Variants in CDC20B observed in about 807,000 individuals in gnomAD.
CDC20B encodes cell division cycle 20B, also known as cell division cycle protein 20 homolog B.
CDC20B carries 58 observed loss-of-function variants against 64.1 expected under a neutral mutation model. That is an observed-to-expected ratio of 0.90 (90% CI 0.73 to 1.13). The LOEUF (loss-of-function observed/expected upper bound fraction) is 1.13, where lower values mean the gene tolerates loss of function less well. Ranked by LOEUF, CDC20B falls within the 50% of genes most tolerant of loss-of-function variation. The pLI is 0.00. For missense variants in CDC20B, 597 were observed against 633.0 expected, an observed-to-expected ratio of 0.94 and a Z score of 0.61; for synonymous variants, 243 against 230.6, an observed-to-expected ratio of 1.05 and a Z score of -0.49.
intron 2 of CDC20B, chr5:55,164,942 T>G (rs1744303115): frequency 1.3e-5 from 2 of 152,208 alleles, no homozygotes; most frequent in African/African-American, 2.4e-5. Context: ...CTGCATTATT[T>G]TTTAGAAGCA....
chr5:55,167,527 A>G (rs1744454270), intron 2 of CDC20B, among the ~76,000 whole-genome samples: 1 of 152,122 alleles, frequency 6.6e-6, no homozygotes, highest in South Asian at 2.1e-4. Flanking sequence ...ATTTCAATCT[A>G]CCACTGGTTT....
At chr5:55,115,596 G>C (rs1459237600) in intron 11 of CDC20B, among the ~76,000 whole-genome samples, 1 of 152,194 alleles carries the variant, frequency 6.6e-6, no homozygotes, top group Non-Finnish European at 1.5e-5. Context: ...AGGAGAATGA[G>C]GGAGGAAAGG....
intron 2 of CDC20B, among the ~76,000 whole-genome samples, chr5:55,154,835 A>G (rs1743766334): frequency 6.6e-6 from 1 of 152,226 alleles, no homozygotes; most frequent in African/African-American, 2.4e-5. Context: ...AATTTTAGAA[A>G]AATAAATTGT....
At chr5:55,122,141 A>G (rs1468143887) in intron 9 of CDC20B, among the ~76,000 whole-genome samples, 1 of 152,246 alleles carries the variant, frequency 6.6e-6, no homozygotes, top group Non-Finnish European at 1.5e-5. Flanking sequence ...TGTTTATGAC[A>G]GGTGAACTTG....
Position 55,146,712 on chromosome 5 carries a change from C to T in CDC20B, c.271G>A (p.Gly91Arg), listed in dbSNP as rs1301756090. 6.2e-7 allele frequency: 1 copy of T among 1,614,120 alleles called. No homozygotes were observed. The highest frequency in any genetic ancestry group is 1.7e-5 in the Admixed American group (1 of 60,018). The change falls in exon 3 of 12, where the codon GGG (glycine) becomes AGG (arginine). Residue 91 changes from glycine (G) to arginine (R), a missense_variant. Gly to Arg is a moderately radical substitution (Grantham distance 125). Coordinates refer to ENST00000381375, the MANE Select transcript of CDC20B (RefSeq NM_001170402.1). The stretch of plus-strand genomic sequence containing the variant: ...AGGTAGGTGGTTGACTGCTCTTCCC[C>T]AAAGGAATCAGAGGACAGAGCCCTA... The part of the protein sequence containing the change: ...QTRALSSDSF[G>R]EEQSTTYLPE...
intron 2 of CDC20B, among the ~76,000 whole-genome samples, chr5:55,151,525 C>T (rs145742942): frequency 5.9e-5 from 9 of 152,330 alleles, no homozygotes; most frequent in Admixed American, 1.3e-4. Flanking sequence ...TTTAAATATA[C>T]ATTTTTAAAA....
chr5:55,147,988 A>G (rs141929599), intron 2 of CDC20B, among the ~76,000 whole-genome samples: 105 of 152,334 alleles, frequency 6.9e-4, no homozygotes, highest in African/African-American at 2.5e-3. Context: ...GTAGTGAACC[A>G]TCCCATGTAG....
intron 2 of CDC20B, among the ~76,000 whole-genome samples, chr5:55,157,597 A>G (rs1228570383): frequency 6.6e-6 from 1 of 152,238 alleles, no homozygotes; most frequent in Non-Finnish European, 1.5e-5. Flanking sequence ...TTTGTGGTGA[A>G]ACCAACCTCA....
At chr5:55,172,829 C>A in intron 1 of CDC20B, 109 bp downstream of exon 1, 1 of 1,125,960 alleles carries the variant, frequency 8.9e-7, no homozygotes. Context: ...AATTTACGAC[C>A]AGGGCTTAGA....
chr5:55,127,076 C>T (rs1175515801), intron 8 of CDC20B, among the ~76,000 whole-genome samples, 181 bp downstream of exon 8: 1 of 152,158 alleles, frequency 6.6e-6, no homozygotes, highest in Non-Finnish European at 1.5e-5. Flanking sequence ...GCCACCAAGA[C>T]ACTTACATGA....
chr5:55,133,380 A>G (rs745793015), intron 6 of CDC20B, 32 bp downstream of exon 6: 1 of 1,174,640 alleles, frequency 8.5e-7, no homozygotes, highest in Non-Finnish European at 1.2e-6. Flanking sequence ...TGTCATTTCA[A>G]CTTTTAATTC....
At position 55,118,370 on chromosome 5, in the gene CDC20B, T is replaced by A. The variant is rs1742672108; in HGVS notation, c.1459+1431A>T. On this transcript the variant is annotated intron_variant, in intron 11 of 11. Coordinates refer to ENST00000381375, the MANE Select transcript of CDC20B (RefSeq NM_001170402.1). The stretch of plus-strand genomic sequence containing the variant: ...CTATAAGCATTTTAAGAGAAAAGGT[T>A]AAATGCACTCTTGGAAATTCTAATA... Among the ~76,000 whole-genome samples, 3 of 152,154 alleles carry A rather than the reference T, an allele frequency of 2.0e-5. No individual in the cohort carries two copies. The South Asian group carries it at 6.2e-4, about 32-fold the overall frequency.
At chr5:55,158,028 A>T (rs1262740859) in intron 2 of CDC20B, among the ~76,000 whole-genome samples, 1 of 152,230 alleles carries the variant, frequency 6.6e-6, no homozygotes, top group African/African-American at 2.4e-5. Context: ...CCACTATGGA[A>T]AACAAAGACA....
At chr5:55,118,025 A>G (rs2111791976) in intron 11 of CDC20B, among the ~76,000 whole-genome samples, 1 of 152,266 alleles carries the variant, frequency 6.6e-6, no homozygotes, top group South Asian at 2.1e-4. Context: ...AGGCTGAGGC[A>G]GGAGAATTGC....
intron 2 of CDC20B, among the ~76,000 whole-genome samples, chr5:55,159,120 G>C (rs1041763979): frequency 6.6e-6 from 1 of 152,068 alleles, no homozygotes; most frequent in Admixed American, 6.6e-5. Flanking sequence ...GGGATCAAGC[G>C]ATCCTCCCAC....
intron 5 of CDC20B, among the ~76,000 whole-genome samples, chr5:55,139,097 A>G (rs779218788): frequency 1.4e-4 from 21 of 152,046 alleles, no homozygotes; most frequent in Admixed American, 5.2e-4. Flanking sequence ...ATGAAATCTT[A>G]GAACACTGGT....
rs766295555 is a variant in CDC20B at position 55,128,412 on chromosome 5, G to A, written c.894+9C>T. 2 of 1,577,602 alleles carry A rather than the reference G, an allele frequency of 1.3e-6. No homozygotes were observed. Among genetic ancestry groups the A allele is most frequent in the Non-Finnish European group, 1.7e-6 (2 of 1,169,366 alleles). ...GAACATGATGAGAAAAAAAAAAACT[G>A]GCCAGTACTTGCACTTCTCCCTCGC... is the stretch of plus-strand genomic sequence containing the variant. On this transcript the variant is annotated intron_variant, in intron 7 of 11. Coordinates refer to ENST00000381375, the MANE Select transcript of CDC20B (RefSeq NM_001170402.1).
intron 2 of CDC20B, among the ~76,000 whole-genome samples, chr5:55,148,797 G>A (rs1466483528): frequency 1.3e-5 from 2 of 152,258 alleles, no homozygotes; most frequent in Non-Finnish European, 2.9e-5. Flanking sequence ...GAAACCATAT[G>A]TACAGGGTTT....
At chr5:55,172,080 T>C (rs1202282997) in intron 2 of CDC20B, among the ~76,000 whole-genome samples, 1 of 152,194 alleles carries the variant, frequency 6.6e-6, no homozygotes, top group East Asian at 1.9e-4. Flanking sequence ...TATAAAACCA[T>C]TTAAATTTGT....
Sources: allele counts gnomAD v4.1 joint callset (sites outside exome capture counted in the v4.1 genomes callset), GRCh38; gene constraint gnomAD v4.1.1; transcripts MANE v1.5; gene names NCBI Gene and HGNC (gene_info 2026-07-23, HGNC 2026-07-21).